The following SSR1 variants were observed in gnomAD, a reference collection of about 807,000 sequenced individuals.
The protein encoded by SSR1 is signal sequence receptor subunit 1.
In SSR1, 13 loss-of-function variants were observed where a neutral mutation model predicts 36.1. The observed-to-expected ratio is 0.36, with a 90% CI of 0.23 to 0.57. The LOEUF (loss-of-function observed/expected upper bound fraction) is 0.57, where lower values mean the gene tolerates loss of function less well. Among genes scored for constraint, SSR1 ranks in the 20% least tolerant of loss-of-function variants. The pLI, the probability that SSR1 is intolerant of heterozygous loss-of-function variation, is 0.81. For missense variants in SSR1, 291 were observed against 338.5 expected, an observed-to-expected ratio of 0.86 and a Z score of 1.10; for synonymous variants, 113 against 118.9, an observed-to-expected ratio of 0.95 and a Z score of 0.32.
chr6:7,288,540 C>T lies in SSR1; in HGVS notation c.*1324G>A, dbSNP rs2113268262. 1 of 152,464 alleles carries T rather than the reference C, an allele frequency of 6.6e-6. No individual in the cohort carries two copies. Among genetic ancestry groups the T allele is most frequent in the East Asian group, 1.9e-4 (1 of 5,168 alleles). The allele number at this position is 152,464 out of a possible 1,614,324, so 9.4% of individuals were successfully genotyped here. A position where few individuals can be genotyped will look rare whatever the true frequency, so the allele number is the denominator to read the frequency against. ...GGGCATGAGCATAGGGGAGGTTATA[C>T]TGAAAAGGAGAATGAAGAGGTCAGG... On this transcript the variant is annotated 3_prime_UTR_variant, in exon 8 of 8. Transcript: ENST00000244763.
chr6:7,292,019 T>C (rs9505125), intron 7 of SSR1, among the ~76,000 whole-genome samples: 56,177 of 151,826 alleles, frequency 0.37, 10,471 homozygotes, highest in South Asian at 0.43. Context: ...CAGTGAGCCA[T>C]GATCACGTAA....
intron 3 of SSR1, among the ~76,000 whole-genome samples, chr6:7,303,009 G>C (rs1297982990): frequency 6.6e-6 from 1 of 151,508 alleles, no homozygotes; most frequent in East Asian, 2.0e-4. Context: ...GGTGGCACGT[G>C]CCTGTAATCC....
At chr6:7,292,554 C>CTT (rs112946288) in intron 7 of SSR1, among the ~76,000 whole-genome samples, 24 of 151,798 alleles carry the variant, frequency 1.6e-4, no homozygotes, top group South Asian at 2.1e-4. Context: ...CCTTTCTTTT[C>CTT]TTTTTTTTCT....
rs1757548717 is a variant in SSR1, at chr6:7,286,179, C to G, written c.*3685G>C. On this transcript the variant is annotated 3_prime_UTR_variant, in exon 8 of 8. Transcript: ENST00000244763. ...GATTGATGTTTAATAAATGAGTTCC[C>G]TTCCCCCTTTCTTAAACTGCAGCAA... 1 of 152,150 alleles carries G rather than the reference C, an allele frequency of 6.6e-6. No individual in the cohort carries two copies. The highest frequency in any genetic ancestry group is 2.1e-4 in the South Asian group (1 of 4,814). The allele number at this position is 152,150 out of a possible 1,614,324, so 9.4% of individuals were successfully genotyped here. A position where few individuals can be genotyped will look rare whatever the true frequency, so the allele number is the denominator to read the frequency against.
At chr6:7,300,257 A>G (rs1397656103) in intron 4 of SSR1, among the ~76,000 whole-genome samples, 1 of 152,214 alleles carries the variant, frequency 6.6e-6, no homozygotes, top group Non-Finnish European at 1.5e-5. Flanking sequence ...GGGTAATGAA[A>G]AGGTTGAATT....
chr6:7,297,138 T>C, intron 6 of SSR1: 3 of 339,234 alleles, frequency 8.8e-6, no homozygotes, highest in South Asian at 4.1e-5. Flanking sequence ...GAGGATGACT[T>C]GAGCCCCGAA....
At chr6:7,303,972 GAAAT>G (rs917801245) in intron 2 of SSR1, among the ~76,000 whole-genome samples, 23 of 152,302 alleles carry the variant, frequency 1.5e-4, no homozygotes, top group African/African-American at 5.3e-4. Context: ...TCAAAAAAAA[GAAAT>G]AAAGACTTCA....
In SSR1 at chr6:7,281,275, G is replaced by A. The variant is rs190788169; in HGVS notation, c.*8589C>T. ...AAAGCAAAGTGCTCGTTTCCATCTT[G>A]GCTTTACCACACTTACAAACTGATA... On this transcript the variant is annotated 3_prime_UTR_variant, in exon 8 of 8. Coordinates refer to ENST00000244763, the MANE Select transcript of SSR1 (RefSeq NM_003144.5). The A allele has an allele frequency of 1.3e-5, 2 of 152,238 alleles. No individual in the cohort carries two copies. Among genetic ancestry groups the A allele is most frequent in the East Asian group, 3.9e-4 (2 of 5,186 alleles). 9.4% of individuals were successfully genotyped at this position (152,238 alleles called of 1,614,324 possible). A position where few individuals can be genotyped will look rare whatever the true frequency, so the allele number is the denominator to read the frequency against.
rs1482263048 is a variant in SSR1 at position 7,301,357 on chromosome 6, C to T, written c.496G>A (p.Gly166Arg). Residue 166 changes from glycine (G) to arginine (R), a missense_variant, in exon 4 of 8, where the codon GGA becomes AGA. Transcript: ENST00000244763. ...TTGATGACCAAACCAAATGGTCGTCCGCCCATGGGCTCTGCAGGAATGAAA... is the reference window on the plus strand; with the variant it reads ...TTGATGACCAAACCAAATGGTCGTCTGCCCATGGGCTCTGCAGGAATGAAA... Reference protein sequence around the residue: ...YSFIPAEPMGGRPFGLVINLN... With the variant: ...YSFIPAEPMGRRPFGLVINLN... The T allele has an allele frequency of 1.2e-6, 2 of 1,614,088 alleles. No individual in the cohort carries two copies. The highest frequency in any genetic ancestry group is 1.7e-6 in the Non-Finnish European group (2 of 1,180,018).
intron 7 of SSR1, among the ~76,000 whole-genome samples, chr6:7,293,463 C>T (rs955705339): frequency 6.6e-5 from 10 of 151,134 alleles, no homozygotes; most frequent in Admixed American, 5.3e-4. Context: ...TCTTTTGAGA[C>T]AGAGTCTCAC....
At chr6:7,291,181 G>A (rs994506629) in intron 7 of SSR1, among the ~76,000 whole-genome samples, 1 of 152,028 alleles carries the variant, frequency 6.6e-6, no homozygotes, top group Non-Finnish European at 1.5e-5. Context: ...ATCATTTGAG[G>A]TCAGGAGTTC....
intron 6 of SSR1, chr6:7,297,032 G>C (rs767451535): frequency 2.3e-4 from 49 of 212,802 alleles, no homozygotes; most frequent in Non-Finnish European, 3.8e-4. Context: ...ACCAGCCTGG[G>C]CAACATGGCG....
intron 2 of SSR1, among the ~76,000 whole-genome samples, chr6:7,307,112 T>C (rs1418011359): frequency 1.3e-5 from 2 of 152,158 alleles, no homozygotes; most frequent in African/African-American, 2.4e-5. Context: ...TCCCAATCCC[T>C]TGATGCCTTG....
chr6:7,303,513 G>T, intron 3 of SSR1, 37 bp downstream of exon 3: 1 of 1,439,624 alleles, frequency 6.9e-7, no homozygotes, highest in Non-Finnish European at 9.7e-7. Context: ...GTTTTAAAAT[G>T]CCTACATCTG....
chr6:7,313,189 A>C lies in SSR1; in HGVS notation c.-69T>G. ...CGGCGGCTCCGGCGGTAATGGCGTT[A>C]CTCTTCATCCGGGCTCCGGGCAGCG... On this transcript the variant is annotated 5_prime_UTR_variant, in exon 1 of 8. Transcript: ENST00000244763. 2 of 1,432,454 alleles carry C rather than the reference A, an allele frequency of 1.4e-6. No individual in the cohort carries two copies. Among genetic ancestry groups the C allele is most frequent in the Non-Finnish European group, 1.9e-6 (2 of 1,057,574 alleles). 88.7% of individuals were successfully genotyped at this position (1,432,454 alleles called of 1,614,324 possible).
intron 2 of SSR1, among the ~76,000 whole-genome samples, chr6:7,308,151 C>T (rs1321634226): frequency 1.3e-5 from 2 of 152,072 alleles, no homozygotes; most frequent in African/African-American, 4.8e-5. Context: ...TATGTGTATA[C>T]ATACATATGA....
In SSR1 at chr6:7,313,151, C is replaced by G. The variant is rs755992564; in HGVS notation, c.-31G>C. On this transcript the variant is annotated 5_prime_UTR_variant, in exon 1 of 8. Coordinates refer to ENST00000244763, the MANE Select transcript of SSR1 (RefSeq NM_003144.5). ...TGCCGGTCCAGTGTCCAGTTTCCGT[C>G]GGCTAAGGCTCTCGGCGGCTCCGGC... 3 of 1,581,950 alleles carry G rather than the reference C, an allele frequency of 1.9e-6. No individual in the cohort carries two copies. The highest frequency in any genetic ancestry group is 1.7e-6 in the Non-Finnish European group (2 of 1,163,446).
intron 1 of SSR1, among the ~76,000 whole-genome samples, chr6:7,311,273 T>C (rs1339311586): frequency 8.0e-5 from 12 of 149,784 alleles, no homozygotes; most frequent in Admixed American, 7.9e-4. Context: ...AGTCACATTA[T>C]ATCTATTTCA....
chr6:7,295,310 GT>G (rs1008605545), intron 7 of SSR1, 81 bp downstream of exon 7: 1,190 of 1,155,506 alleles, frequency 1.0e-3, no homozygotes, highest in Non-Finnish European at 1.1e-3. Flanking sequence ...TACTGAAAAA[GT>G]TTTTTTTTTA....
Sources: allele counts gnomAD v4.1 joint callset (sites outside exome capture counted in the v4.1 genomes callset), GRCh38; gene constraint gnomAD v4.1.1; transcripts MANE v1.5; gene names NCBI Gene and HGNC (gene_info 2026-07-23, HGNC 2026-07-21).